LOXHD1: variants seen among roughly 807,000 people sequenced by gnomAD.
LOXHD1 encodes lipoxygenase homology domain-containing protein 1.
LOXHD1 carries 205 observed loss-of-function variants against 248.2 expected under a neutral mutation model. The ratio of observed to expected loss-of-function variants is 0.83; its 90% CI spans 0.74 to 0.93. LOXHD1 has a LOEUF of 0.93. Ranked by LOEUF, LOXHD1 falls within the 40% of genes least tolerant of loss-of-function variation. The pLI, the probability that LOXHD1 is intolerant of heterozygous loss-of-function variation, is 0.00. For synonymous variants in LOXHD1, 1,113 were observed against 1,162.8 expected, an observed-to-expected ratio of 0.96 and a Z score of 0.87; for missense variants, 2,930 against 2,971.6, an observed-to-expected ratio of 0.99 and a Z score of 0.33.
intron 7 of LOXHD1, among the ~76,000 whole-genome samples, chr18:46,602,254 G>A (rs1057283155): frequency 1.3e-5 from 2 of 152,092 alleles, no homozygotes; most frequent in Non-Finnish European, 2.9e-5. Context: ...CACCCAGGCT[G>A]GAATCTAGTG....
intron 26 of LOXHD1, 73 bp downstream of exon 26, chr18:46,538,083 C>G (rs980103529): frequency 9.5e-6 from 13 of 1,370,232 alleles, no homozygotes; most frequent in Non-Finnish European, 1.3e-5. Flanking sequence ...TGTGTTCTGC[C>G]CTGAAGGTAG....
intron 8 of LOXHD1, among the ~76,000 whole-genome samples, 164 bp downstream of exon 8, chr18:46,601,053 C>A (rs2038328818): frequency 6.6e-6 from 1 of 152,158 alleles, no homozygotes; most frequent in South Asian, 2.1e-4. Flanking sequence ...ACTTTTGAGG[C>A]AAGATAGACG....
intron 3 of LOXHD1, among the ~76,000 whole-genome samples, chr18:46,641,346 G>A (rs1012738277): frequency 6.6e-5 from 10 of 152,178 alleles, no homozygotes; most frequent in Non-Finnish European, 1.3e-4. Flanking sequence ...CAGGGACTAG[G>A]AAGGGAAAAG....
chr18:46,483,507 C>T lies in LOXHD1; in HGVS notation c.6341+80G>A, dbSNP rs957854676. 4.0e-5 allele frequency: 61 copies of T among 1,506,454 alleles called. 1 individual carries two copies. The South Asian group carries it at 6.2e-4, about 15-fold the overall frequency. 93.3% of individuals were successfully genotyped at this position (1,506,454 alleles called of 1,614,324 possible). ...GAAGAAGAGACCTCATCATACCCTG[C>T]TCTCTTGCCCATGGTCCAGCTCAGT... On this transcript the variant is annotated intron_variant, in intron 40 of 40. Transcript: ENST00000642948.
intron 12 of LOXHD1, among the ~76,000 whole-genome samples, chr18:46,584,201 A>G (rs1195458593): frequency 2.0e-5 from 3 of 152,102 alleles, no homozygotes; most frequent in Non-Finnish European, 4.4e-5. Context: ...TAATATTTTT[A>G]CAAGAGTAGT....
rs2037704495 is a variant in LOXHD1, at chr18:46,569,310, A to AT, written c.2244+131dup. 10 of 790,172 alleles carry AT rather than the reference A, an allele frequency of 1.3e-5. No individual in the cohort carries two copies. In the South Asian group the frequency reaches 2.0e-4, roughly 16 times the overall value. 48.9% of individuals were successfully genotyped at this position (790,172 alleles called of 1,614,324 possible). On this transcript the variant is annotated intron_variant, in intron 16 of 40. Coordinates refer to ENST00000642948, the MANE Select transcript of LOXHD1 (RefSeq NM_001384474.1). ...CCCAAGTGTGCTTTTTCTCTTCAAAATGTGTTTACCCTTATGTACATGAGT... is the reference window on the plus strand; with the variant it reads ...CCCAAGTGTGCTTTTTCTCTTCAAAATTGTGTTTACCCTTATGTACATGAGT...
chr18:46,485,271 G>A lies in LOXHD1; in HGVS notation c.6050-120C>T, dbSNP rs563628298. 7.9e-6 allele frequency: 9 copies of A among 1,134,738 alleles called. No individual in the cohort carries two copies. In the African/African-American group the frequency reaches 1.1e-4, roughly 14 times the overall value. The allele number at this position is 1,134,738 out of a possible 1,614,324, so 70.3% of individuals were successfully genotyped here. A position where few individuals can be genotyped will look rare whatever the true frequency, so the allele number is the denominator to read the frequency against. Reference sequence around the variant, plus strand: ...TGATCTTAGGCTGCAGCCTGGGGGTGGGGGAGGCAGGTTAAAAGCACCACG... The same window carrying A: ...TGATCTTAGGCTGCAGCCTGGGGGTAGGGGAGGCAGGTTAAAAGCACCACG... On this transcript the variant is annotated intron_variant, in intron 38 of 40. Transcript: ENST00000642948.
intron 28 of LOXHD1, among the ~76,000 whole-genome samples, chr18:46,530,393 C>G (rs1418949666): frequency 3.9e-5 from 6 of 152,186 alleles, no homozygotes. Context: ...AAGGGTAGAA[C>G]AGAGGGCCTT....
Position 46,601,261 on chromosome 18 carries a change from C to T in LOXHD1, c.1090G>A (p.Gly364Arg). 1.9e-6 allele frequency: 3 copies of T among 1,551,642 alleles called. No homozygotes were observed. The highest frequency in any genetic ancestry group is 2.4e-5 in the East Asian group (1 of 40,918). Residue 364 changes from glycine (G) to arginine (R), a missense_variant, in exon 8 of 41, where the codon GGG becomes AGG. Gly to Arg is a moderately radical substitution (Grantham distance 125). Coordinates refer to ENST00000642948, the MANE Select transcript of LOXHD1 (RefSeq NM_001384474.1). Reference protein sequence around the residue: ...LLSPLSRVSVGHGNVGVNRGW... With the variant: ...LLSPLSRVSVRHGNVGVNRGW... The stretch of plus-strand genomic sequence containing the variant: ...CTGTTGACACCCACATTGCCATGCC[C>T]GACGGAGACCCGACTCAGGGGGCTA...
rs369772317 is a variant in LOXHD1 at position 46,589,616 on chromosome 18, G to A, written c.1654+2317C>T. Among the ~76,000 whole-genome samples, 9 of 152,258 alleles carry A rather than the reference G, an allele frequency of 5.9e-5. No individual in the cohort carries two copies. In the East Asian group the frequency reaches 1.5e-3, roughly 26 times the overall value. On this transcript the variant is annotated intron_variant, in intron 12 of 40. Coordinates refer to ENST00000642948, the MANE Select transcript of LOXHD1 (RefSeq NM_001384474.1). ...ACTCTAATCAGCATAGCTGGTGGTG[G>A]GCCTAGGAATCTGTATTTCAATAAA...
Position 46,505,860 on chromosome 18 carries a change from C to T in LOXHD1, c.5856G>A (p.Leu1952=). The change falls in exon 37 of 41, where the codon CTG becomes CTA. Residue 1952 remains leucine (L), a synonymous_variant. Transcript: ENST00000642948. Reference sequence around the variant, plus strand: ...TACCTTTGTTGTCGTGCCAGACCCTCAGCTTGCAGAGGTGGCCCAAGCTCA... The same window carrying T: ...TACCTTTGTTGTCGTGCCAGACCCTTAGCTTGCAGAGGTGGCCCAAGCTCA... ...DMLSLGHLCK[L]RVWHDNKGIF... is the part of the protein sequence containing the mutation. 1 of 1,551,738 alleles carries T rather than the reference C, an allele frequency of 6.4e-7. No individual in the cohort carries two copies. Among genetic ancestry groups the T allele is most frequent in the East Asian group, 2.4e-5 (1 of 40,900 alleles).
At chr18:46,526,265 T>C (rs900699101) in intron 29 of LOXHD1, among the ~76,000 whole-genome samples, 4 of 152,170 alleles carry the variant, frequency 2.6e-5, no homozygotes, top group Non-Finnish European at 5.9e-5. Context: ...TGGGGTCCTG[T>C]GCTTGGGGAG....
In LOXHD1 at chr18:46,615,870, G is replaced by A. The variant is rs1016123614; in HGVS notation, c.610+2322C>T. Among the ~76,000 whole-genome samples the A allele has an allele frequency of 2.6e-5, 4 of 152,142 alleles. No homozygotes were observed. The East Asian group carries it at 7.7e-4, about 29-fold the overall frequency. ...TTTTTGCTTCATATCTTGGGAATAT[G>A]TTGTTAAGTTTACACAAGTTAAAAA... On this transcript the variant is annotated intron_variant, in intron 5 of 40. Transcript: ENST00000642948.
chr18:46,477,517 C>T lies in LOXHD1; in HGVS notation c.6777G>A (p.Lys2259=), dbSNP rs764655234. ...CTCTCCAGGTGAGTCCATCCCCCCG[C>T]TTCTTGTCCAGCCACCTGCCACAGT... The part of the protein sequence containing the change: ...IFNCGRWLDK[K]RGDGLTWRDL... Residue 2259 remains lysine (K), a synonymous_variant, in exon 41 of 41, where the codon AAG becomes AAA. Transcript: ENST00000642948. 45 of 1,551,052 alleles carry T rather than the reference C, an allele frequency of 2.9e-5. No homozygotes were observed. In the African/African-American group the frequency reaches 5.7e-4, roughly 20 times the overall value.
rs1188340764 is a variant in LOXHD1, at chr18:46,560,424, T to A, written c.2720A>T (p.Asp907Val). The A allele has an allele frequency of 1.3e-6, 2 of 1,546,856 alleles. No individual in the cohort carries two copies. The highest frequency in any genetic ancestry group is 4.9e-5 in the East Asian group (2 of 40,924). The change falls in exon 19 of 41, where the codon GAC becomes GTC. Residue 907 changes from aspartate (D) to valine (V), a missense_variant. Asp to Val is a radical substitution (Grantham distance 152). Transcript: ENST00000642948. ...CCGGGCCTCCTCCTCCGGCGTGAGG[T>A]CCACCTCCCGCACCACCAGGTGCCG... ...WLRHLVVREVDLTPEEEARKK... is the reference protein window; with the variant it reads ...WLRHLVVREVVLTPEEEARKK...
In LOXHD1 at chr18:46,605,998, G is replaced by A. The variant is rs141639804; in HGVS notation, c.760-1769C>T. On this transcript the variant is annotated intron_variant, in intron 6 of 40. Coordinates refer to ENST00000642948, the MANE Select transcript of LOXHD1 (RefSeq NM_001384474.1). ...GGCAGAACTCTGGAAAGAACCTAAT[G>A]TGGGACCCACCAAAAGAACTCACAC... Among the ~76,000 whole-genome samples the A allele has an allele frequency of 3.3e-4, 51 of 152,270 alleles. No homozygotes were observed. The East Asian group carries it at 8.1e-3, about 24-fold the overall frequency.
intron 25 of LOXHD1, among the ~76,000 whole-genome samples, chr18:46,539,438 G>A (rs2036461793): frequency 6.6e-6 from 1 of 150,812 alleles, no homozygotes; most frequent in Admixed American, 6.7e-5. Flanking sequence ...TCCAGCCTGG[G>A]TAACAGAGTG....
chr18:46,489,617 T>A (rs922397010), intron 37 of LOXHD1, among the ~76,000 whole-genome samples: 1 of 152,194 alleles, frequency 6.6e-6, no homozygotes, highest in Admixed American at 6.5e-5. Context: ...AGGTGTCAGC[T>A]CCTCCAAGAA....
intron 27 of LOXHD1, 109 bp from the exon 28 acceptor site, chr18:46,533,433 C>G: frequency 7.9e-7 from 1 of 1,266,290 alleles, no homozygotes; most frequent in Non-Finnish European, 1.1e-6. Context: ...TCATGGGGCC[C>G]CATAAATAAT....
Sources: allele counts gnomAD v4.1 joint callset (sites outside exome capture counted in the v4.1 genomes callset), GRCh38; gene constraint gnomAD v4.1.1; transcripts MANE v1.5; gene names NCBI Gene and HGNC (gene_info 2026-07-23, HGNC 2026-07-21).